The following COL15A1 variants were observed in gnomAD, a reference collection of about 807,000 sequenced individuals.
COL15A1 encodes the protein collagen type XV alpha 1 chain.
Under a neutral mutation model 165.9 loss-of-function variants are expected in COL15A1, and 111 were observed. The observed-to-expected ratio is 0.67, with a 90% confidence interval of 0.57 to 0.78. COL15A1 has a LOEUF of 0.78. COL15A1 is among the 30% of genes least tolerant of loss of function. The probability of loss-of-function intolerance (pLI) is 0.00; values close to 1 mark genes in which losing one functional copy is unlikely to be tolerated. For synonymous variants in COL15A1, 659 were observed against 674.8 expected, an observed-to-expected ratio of 0.98 and a Z score of 0.36; for missense variants, 1,745 against 1,789.7, an observed-to-expected ratio of 0.98 and a Z score of 0.45.
chr9:99,014,018 T>A (rs1838889321), intron 9 of COL15A1, among the ~76,000 whole-genome samples: 1 of 152,102 alleles, frequency 6.6e-6, no homozygotes, highest in Non-Finnish European at 1.5e-5. Context: ...TTTTAGCCAA[T>A]TCAGAGAGGT....
At chr9:98,970,122 C>A (rs1261813588) in intron 2 of COL15A1, among the ~76,000 whole-genome samples, 1 of 151,790 alleles carries the variant, frequency 6.6e-6, no homozygotes, top group Non-Finnish European at 1.5e-5. Flanking sequence ...GCAAGTAAAG[C>A]ACTTCGTGCC....
At chr9:98,944,802 G>A (rs1388611859) in intron 2 of COL15A1, among the ~76,000 whole-genome samples, 1 of 152,262 alleles carries the variant, frequency 6.6e-6, no homozygotes, top group African/African-American at 2.4e-5. Flanking sequence ...GGAAAGAGCT[G>A]TGGCCTGGAA....
chr9:98,944,649 A>G (rs1227776833), intron 2 of COL15A1, among the ~76,000 whole-genome samples: 2 of 152,276 alleles, frequency 1.3e-5, no homozygotes, highest in Non-Finnish European at 2.9e-5. Flanking sequence ...CTCCGCACAC[A>G]GGTGCGAAGC....
At chr9:98,980,722 C>T (rs1281709892) in intron 2 of COL15A1, among the ~76,000 whole-genome samples, 1 of 152,184 alleles carries the variant, frequency 6.6e-6, no homozygotes, top group East Asian at 1.9e-4. Context: ...TAATCGTTTT[C>T]ATAAAAATTG....
intron 9 of COL15A1, among the ~76,000 whole-genome samples, chr9:99,014,243 G>A (rs2118986182): frequency 6.6e-6 from 1 of 152,294 alleles, no homozygotes; most frequent in Non-Finnish European, 1.5e-5. Context: ...CTAGAGATAG[G>A]TCTTAGGCAG....
chr9:98,982,779 C>T (rs1303929414), intron 2 of COL15A1, among the ~76,000 whole-genome samples: 1 of 151,974 alleles, frequency 6.6e-6, no homozygotes, highest in Non-Finnish European at 1.5e-5. Context: ...GTAGCGGGGA[C>T]TACAGGTGCA....
At chr9:99,046,533 C>T (rs764456667) in intron 26 of COL15A1, among the ~76,000 whole-genome samples, 4 of 152,204 alleles carry the variant, frequency 2.6e-5, no homozygotes, top group Non-Finnish European at 5.9e-5. Flanking sequence ...CCTAGTTCCG[C>T]ATGGCTAGGA....
chr9:99,051,244 G>A (rs1352867234), intron 30 of COL15A1, among the ~76,000 whole-genome samples: 2 of 152,300 alleles, frequency 1.3e-5, no homozygotes, highest in South Asian at 4.1e-4. Context: ...ATTTTAGAGT[G>A]CGGTAAAAAT....
chr9:98,947,584 T>C (rs1031622882), intron 2 of COL15A1, among the ~76,000 whole-genome samples: 1 of 152,196 alleles, frequency 6.6e-6, no homozygotes, highest in Non-Finnish European at 1.5e-5. Context: ...AGGCCCCAGA[T>C]CTGGTGGGGC....
chr9:99,019,332 T>A (rs1382596153), intron 11 of COL15A1, among the ~76,000 whole-genome samples: 1 of 152,154 alleles, frequency 6.6e-6, no homozygotes, highest in Non-Finnish European at 1.5e-5. Context: ...TAGCTGGGAT[T>A]ACAGACAGAC....
intron 2 of COL15A1, among the ~76,000 whole-genome samples, chr9:98,969,275 G>A (rs147222206): frequency 6.9e-4 from 105 of 152,238 alleles, no homozygotes; most frequent in African/African-American, 2.5e-3. Flanking sequence ...TTCATTCATC[G>A]TGGGCCTTTG....
chr9:99,012,919 G>A (rs2118982245), intron 9 of COL15A1, among the ~76,000 whole-genome samples: 1 of 151,984 alleles, frequency 6.6e-6, no homozygotes, highest in Admixed American at 6.5e-5. Flanking sequence ...TCACCATGTT[G>A]GCCAGGCTGG....
chr9:99,010,994 G>T (rs1838839662), intron 9 of COL15A1, among the ~76,000 whole-genome samples: 1 of 152,026 alleles, frequency 6.6e-6, no homozygotes, highest in South Asian at 2.1e-4. Context: ...CATTTTTTTA[G>T]CATCAGGCCA....
chr9:99,004,760 T>C, intron 8 of COL15A1, 138 bp from the exon 9 acceptor site: 2 of 908,534 alleles, frequency 2.2e-6, no homozygotes, highest in Non-Finnish European at 3.5e-6. Context: ...CTGTCTGATG[T>C]CTCACTGTGG....
In COL15A1 at chr9:99,000,865, C is replaced by G. The variant is rs762628302; in HGVS notation, c.979C>G (p.Leu327Val). 6.3e-7 allele frequency: 1 copy of G among 1,594,962 alleles called. No homozygotes were observed. Among genetic ancestry groups the G allele is most frequent in the South Asian group, 1.1e-5 (1 of 90,622 alleles). ...QGSGEILNDT[L>V]EGVHSVDGDP... is the part of the protein sequence containing the mutation. ...GTCTGGTGAGATCCTGAATGACACA[C>G]TGGAGGGGGTTCATTCTGTGGATGG... The change falls in exon 7 of 42, where the codon CTG becomes GTG. Residue 327 changes from leucine to valine, a missense_variant. By Grantham distance (32) the Leu-to-Val change is conservative (BLOSUM62 1). Coordinates refer to ENST00000375001, the MANE Select transcript of COL15A1 (RefSeq NM_001855.5).
At chr9:99,018,925 A>C (rs1455457796) in intron 11 of COL15A1, among the ~76,000 whole-genome samples, 1 of 152,186 alleles carries the variant, frequency 6.6e-6, no homozygotes, top group South Asian at 2.1e-4. Context: ...ATTTTCTACT[A>C]TGGTGGCTTA....
chr9:98,972,810 A>G (rs907130649), intron 2 of COL15A1, among the ~76,000 whole-genome samples: 3 of 152,174 alleles, frequency 2.0e-5, no homozygotes, highest in Middle Eastern at 3.2e-3. Context: ...TCTGGGAGGA[A>G]GGATGGAGGG....
intron 23 of COL15A1, chr9:99,040,960 G>A (rs1208609953): frequency 5.3e-6 from 1 of 187,426 alleles, no homozygotes; most frequent in Non-Finnish European, 1.1e-5. Flanking sequence ...ATGATTCTTG[G>A]TTAGCAGAAG....
intron 2 of COL15A1, among the ~76,000 whole-genome samples, chr9:98,977,924 C>G (rs1053452819): frequency 1.5e-4 from 23 of 152,314 alleles, no homozygotes; most frequent in Middle Eastern, 3.4e-3. Context: ...CCAGCTGTGT[C>G]CAAGGAAGAG....
Sources: allele counts gnomAD v4.1 joint callset (sites outside exome capture counted in the v4.1 genomes callset), GRCh38; gene constraint gnomAD v4.1.1; transcripts MANE v1.5; gene names NCBI Gene and HGNC (gene_info 2026-07-23, HGNC 2026-07-21).